SH3RF3: variants seen among roughly 807,000 people sequenced by gnomAD.
SH3RF3 encodes SH3 domain containing ring finger 3.
Under a neutral mutation model 66.3 loss-of-function variants are expected in SH3RF3, and 29 were observed. The observed-to-expected ratio is 0.44, with a 90% CI of 0.33 to 0.60. The LOEUF is 0.60. SH3RF3 is among the 20% of genes least tolerant of loss of function. The probability of loss-of-function intolerance (pLI) is 0.04; values close to 1 mark genes in which losing one functional copy is unlikely to be tolerated. For synonymous variants in SH3RF3, 583 were observed against 532.0 expected (o/e 1.10, Z -1.32); for missense variants, 1,194 against 1,190.9 (o/e 1.00, Z -0.04).
At chr2:109,203,808 G>A (rs375412930) in intron 1 of SH3RF3, among the ~76,000 whole-genome samples, 50 of 127,888 alleles carry the variant, frequency 3.9e-4, no homozygotes, top group African/African-American at 1.2e-3. Flanking sequence ...TCTCATGCAC[G>A]CCTCGACTCT....
chr2:109,394,852 G>A (rs1180508315), intron 3 of SH3RF3, among the ~76,000 whole-genome samples: 1 of 152,184 alleles, frequency 6.6e-6, no homozygotes, highest in Non-Finnish European at 1.5e-5. Context: ...TGCGCGAGAC[G>A]AGTCTGCACC....
At chr2:109,388,084 C>G (rs1006540347) in intron 3 of SH3RF3, among the ~76,000 whole-genome samples, 21 of 152,090 alleles carry the variant, frequency 1.4e-4, no homozygotes, top group Admixed American at 2.0e-4. Context: ...GACCCCTGTG[C>G]ACACACATGC....
chr2:109,435,238 C>G (rs1295520650), intron 6 of SH3RF3, among the ~76,000 whole-genome samples: 1 of 152,204 alleles, frequency 6.6e-6, no homozygotes, highest in Non-Finnish European at 1.5e-5. Context: ...CAATCCATAG[C>G]TCAGCACAAA....
At position 109,301,260 on chromosome 2, in the gene SH3RF3, G is replaced by A. The variant is rs559822701; in HGVS notation, c.574-46414G>A. Among the ~76,000 whole-genome samples the A allele has an allele frequency of 5.9e-5, 9 of 151,970 alleles. No individual in the cohort carries two copies. In the East Asian group the frequency reaches 1.2e-3, roughly 20 times the overall value. On this transcript the variant is annotated intron_variant, in intron 1 of 9. Transcript: ENST00000309415. ...TGCACCGGGACTCAGACTTTCTCCC[G>A]TGTGGCCACACTTGCTGTGTGTGGT...
At chr2:109,453,320 G>A (rs1300223859) in intron 8 of SH3RF3, among the ~76,000 whole-genome samples, 1 of 151,418 alleles carries the variant, frequency 6.6e-6, no homozygotes. Flanking sequence ...TTACACAGTA[G>A]AACTCAAATC....
At position 109,171,161 on chromosome 2, in the gene SH3RF3, A is replaced by G. The variant is rs142589925; in HGVS notation, c.573+41048A>G. 2.8e-4 allele frequency among the ~76,000 whole-genome samples: 43 copies of G among 152,302 alleles called. 2 individuals are homozygous for G. The highest frequency in any genetic ancestry group is 1.0e-3 in the African/African-American group (42 of 41,574). On this transcript the variant is annotated intron_variant, in intron 1 of 9. Transcript: ENST00000309415. ...TCATTCAGGTTTTGTTTTGTTTTAT[A>G]TATATGTACATTTTTTGGTTTATTT...
intron 2 of SH3RF3, among the ~76,000 whole-genome samples, chr2:109,363,510 T>C (rs1262503892): frequency 1.3e-5 from 2 of 152,192 alleles, no homozygotes; most frequent in African/African-American, 2.4e-5. Context: ...CAATTAAGAA[T>C]AGCAAAAATA....
At chr2:109,482,457 G>A (rs1033192129) in intron 8 of SH3RF3, among the ~76,000 whole-genome samples, 3 of 152,154 alleles carry the variant, frequency 2.0e-5, no homozygotes, top group Admixed American at 6.5e-5. Context: ...GCAGAACACC[G>A]TGCTGTGGCT....
At chr2:109,487,513 G>A (rs888084340) in intron 8 of SH3RF3, among the ~76,000 whole-genome samples, 15 of 152,218 alleles carry the variant, frequency 9.9e-5, no homozygotes, top group East Asian at 1.9e-4. Flanking sequence ...TGACATCAGC[G>A]TTTTTCCAAG....
At chr2:109,340,134 G>A (rs1490567860) in intron 1 of SH3RF3, among the ~76,000 whole-genome samples, 2 of 152,194 alleles carry the variant, frequency 1.3e-5, no homozygotes, top group African/African-American at 2.4e-5. Flanking sequence ...TACTTTGAGG[G>A]GGTGATGTGT....
At chr2:109,240,824 C>G (rs1679760886) in intron 1 of SH3RF3, among the ~76,000 whole-genome samples, 1 of 151,972 alleles carries the variant, frequency 6.6e-6, no homozygotes, top group East Asian at 1.9e-4. Context: ...TTACTTCTTC[C>G]TACTGGACTC....
intron 1 of SH3RF3, among the ~76,000 whole-genome samples, chr2:109,298,369 G>T (rs769024416): frequency 6.6e-6 from 1 of 152,108 alleles, no homozygotes; most frequent in African/African-American, 2.4e-5. Flanking sequence ...TTCAGTTTCT[G>T]CTGGGGTAGA....
chr2:109,243,615 A>G (rs535013541), intron 1 of SH3RF3, among the ~76,000 whole-genome samples: 36 of 152,226 alleles, frequency 2.4e-4, no homozygotes, highest in Non-Finnish European at 4.3e-4. Context: ...GAACATTTTT[A>G]AAGAGATGGT....
At chr2:109,471,864 A>G (rs1320036347) in intron 8 of SH3RF3, among the ~76,000 whole-genome samples, 1 of 152,208 alleles carries the variant, frequency 6.6e-6, no homozygotes, top group Non-Finnish European at 1.5e-5. Context: ...TGCTGAGACT[A>G]TGCAGACACA....
chr2:109,180,510 T>C (rs1307518136), intron 1 of SH3RF3, among the ~76,000 whole-genome samples: 1 of 152,194 alleles, frequency 6.6e-6, no homozygotes, highest in Non-Finnish European at 1.5e-5. Context: ...TCTTGAATTG[T>C]ACTCTCATAA....
chr2:109,256,644 C>A (rs1029080754), intron 1 of SH3RF3, among the ~76,000 whole-genome samples: 8 of 152,166 alleles, frequency 5.3e-5, no homozygotes, highest in African/African-American at 1.4e-4. Flanking sequence ...ATTTTTATTA[C>A]TTTTTCCCTA....
intron 3 of SH3RF3, among the ~76,000 whole-genome samples, chr2:109,388,327 G>C (rs1020659347): frequency 6.6e-6 from 1 of 152,134 alleles, no homozygotes; most frequent in Non-Finnish European, 1.5e-5. Flanking sequence ...GCTCCTTTGT[G>C]AACATGGAAC....
chr2:109,249,501 CTTTCTTTCATTCTTTCTT>C (rs1257956236), intron 1 of SH3RF3, among the ~76,000 whole-genome samples: 1,390 of 34,442 alleles, frequency 0.04, 31 homozygotes, highest in East Asian at 0.099. Context: ...TTCTTTCTTT[CTTTCTTTCATTCTTTCTT>C]TTTCTTTCTT....
chr2:109,355,813 A>G (rs186435984), intron 2 of SH3RF3, among the ~76,000 whole-genome samples: 1 of 152,124 alleles, frequency 6.6e-6, no homozygotes, highest in Non-Finnish European at 1.5e-5. Flanking sequence ...TGTTTTGAGG[A>G]GGGGTATTTC....
Sources: allele counts gnomAD v4.1 joint callset (sites outside exome capture counted in the v4.1 genomes callset), GRCh38; gene constraint gnomAD v4.1.1; transcripts MANE v1.5; gene names NCBI Gene and HGNC (gene_info 2026-07-23, HGNC 2026-07-21).